RNF111: variants seen among roughly 807,000 people sequenced by gnomAD.
RNF111 encodes the protein E3 ubiquitin-protein ligase Arkadia.
RNF111 carries 17 observed loss-of-function variants against 95.1 expected under a neutral mutation model. That is an observed-to-expected ratio of 0.18 (90% CI 0.12 to 0.27). The LOEUF (loss-of-function observed/expected upper bound fraction) is 0.27. Ranked by LOEUF, RNF111 falls within the 10% of genes least tolerant of loss-of-function variation. The probability of loss-of-function intolerance (pLI) is 1.00; values close to 1 mark genes in which losing one functional copy is unlikely to be tolerated. For missense variants in RNF111, 1,189 were observed against 1,210.4 expected, an observed-to-expected ratio of 0.98 and a Z score of 0.26; for synonymous variants, 440 against 414.8, an observed-to-expected ratio of 1.06 and a Z score of -0.74.
At chr15:59,012,765 G>A (rs1466356258) in intron 1 of RNF111, among the ~76,000 whole-genome samples, 1 of 147,462 alleles carries the variant, frequency 6.8e-6, no homozygotes, top group Admixed American at 6.9e-5. Context: ...TTGAGACAGA[G>A]TCTTGCTTTG....
intron 1 of RNF111, among the ~76,000 whole-genome samples, chr15:58,992,149 A>G (rs996603298): frequency 1.3e-5 from 2 of 152,102 alleles, no homozygotes; most frequent in African/African-American, 4.8e-5. Context: ...GGTTCAAGCA[A>G]TTCTTCTGCG....
At chr15:59,039,253 C>T (rs2041332745) in intron 2 of RNF111, among the ~76,000 whole-genome samples, 1 of 152,042 alleles carries the variant, frequency 6.6e-6, no homozygotes. Context: ...TGTGAGCCAC[C>T]ACTCCCGGCC....
At chr15:59,066,235 G>A (rs1421379956) in intron 5 of RNF111, among the ~76,000 whole-genome samples, 3 of 152,206 alleles carry the variant, frequency 2.0e-5, no homozygotes, top group African/African-American at 7.2e-5. Flanking sequence ...CAGTAAATAT[G>A]AGCCTCCTGA....
At chr15:59,029,081 G>T (rs562639121) in intron 1 of RNF111, among the ~76,000 whole-genome samples, 1 of 152,168 alleles carries the variant, frequency 6.6e-6, no homozygotes, top group Admixed American at 6.5e-5. Context: ...CGCCCAGCTT[G>T]TATTTAATTT....
At chr15:59,053,935 A>G (rs1408195525) in intron 3 of RNF111, among the ~76,000 whole-genome samples, 1 of 151,762 alleles carries the variant, frequency 6.6e-6, no homozygotes. Flanking sequence ...AGTTTATTTT[A>G]CTTAATTATT....
intron 2 of RNF111, among the ~76,000 whole-genome samples, chr15:59,049,992 A>C (rs547642130): frequency 8.6e-5 from 13 of 151,328 alleles, no homozygotes; most frequent in Admixed American, 8.5e-4. Context: ...CTCCTGCCTC[A>C]GACTCCCAAA....
intron 6 of RNF111, among the ~76,000 whole-genome samples, chr15:59,070,644 T>G (rs12907497): frequency 1.3e-5 from 2 of 152,212 alleles, no homozygotes; most frequent in African/African-American, 4.8e-5. Context: ...AACAGACATA[T>G]ACTTGATTGT....
At chr15:59,006,808 A>T (rs1244676305) in intron 1 of RNF111, among the ~76,000 whole-genome samples, 1 of 152,086 alleles carries the variant, frequency 6.6e-6, no homozygotes, top group African/African-American at 2.4e-5. Flanking sequence ...TTTCTTTGAG[A>T]TGGAGTCTTG....
chr15:59,060,956 A>T (rs918344476), intron 5 of RNF111, among the ~76,000 whole-genome samples: 5 of 151,688 alleles, frequency 3.3e-5, no homozygotes. Flanking sequence ...CGTCCGGCTA[A>T]TTTTTGTATT....
rs529639443 is a variant in RNF111, at chr15:59,005,468, A to G, written c.-20+17400A>G. On this transcript the variant is annotated intron_variant, in intron 1 of 13. Transcript: ENST00000348370. ...GTTTCCTTGGGCAGTTTTGCTCCCAACATTAGATCCCGCATTCTCAGGACA... is the reference window on the plus strand; with the variant it reads ...GTTTCCTTGGGCAGTTTTGCTCCCAGCATTAGATCCCGCATTCTCAGGACA... Among the ~76,000 whole-genome samples, 11 of 152,338 alleles carry G rather than the reference A, an allele frequency of 7.2e-5. No homozygotes were observed. In the South Asian group the frequency reaches 1.0e-3, roughly 14 times the overall value.
chr15:59,074,740 C>G (rs2043096066), intron 6 of RNF111, among the ~76,000 whole-genome samples: 1 of 152,156 alleles, frequency 6.6e-6, no homozygotes, highest in African/African-American at 2.4e-5. Context: ...CAGTTTCTTT[C>G]AAGGATTTTT....
At chr15:59,018,087 C>A (rs1335915510) in intron 1 of RNF111, among the ~76,000 whole-genome samples, 1 of 151,998 alleles carries the variant, frequency 6.6e-6, no homozygotes, top group Admixed American at 6.6e-5. Context: ...AGACTACTTT[C>A]CATTAATGCA....
At chr15:59,060,798 A>AT (rs2042400845) in intron 5 of RNF111, among the ~76,000 whole-genome samples, 3 of 147,384 alleles carry the variant, frequency 2.0e-5, no homozygotes, top group African/African-American at 7.7e-5. Flanking sequence ...TATTATTATT[A>AT]TTATTATTAT....
intron 3 of RNF111, among the ~76,000 whole-genome samples, chr15:59,054,777 A>G (rs912586008): frequency 1.3e-5 from 2 of 152,234 alleles, no homozygotes; most frequent in South Asian, 4.1e-4. Flanking sequence ...GTGGTTAAGC[A>G]CCCACCCCCA....
At chr15:59,018,204 A>G (rs539558894) in intron 1 of RNF111, among the ~76,000 whole-genome samples, 2 of 152,332 alleles carry the variant, frequency 1.3e-5, no homozygotes, top group African/African-American at 4.8e-5. Context: ...TGGGTTCAAA[A>G]ACAACATGCC....
chr15:59,063,623 G>T (rs1376068612), intron 5 of RNF111, among the ~76,000 whole-genome samples: 2 of 152,150 alleles, frequency 1.3e-5, no homozygotes, highest in African/African-American at 4.8e-5. Context: ...AGTAACTCTC[G>T]AATGAGAGGC....
chr15:59,071,083 G>A (rs1307520865), intron 6 of RNF111, among the ~76,000 whole-genome samples: 1 of 151,986 alleles, frequency 6.6e-6, no homozygotes, highest in East Asian at 1.9e-4. Flanking sequence ...GGATCATGAA[G>A]TCAGGAGATT....
chr15:59,037,020 A>G (rs1252164450), intron 2 of RNF111, among the ~76,000 whole-genome samples: 1 of 148,046 alleles, frequency 6.8e-6, no homozygotes, highest in Non-Finnish European at 1.5e-5. Flanking sequence ...TTTTTTTGGT[A>G]GAGACAGGGT....
intron 5 of RNF111, 24 bp from the exon 6 acceptor site, chr15:59,066,740 C>T: frequency 1.3e-6 from 2 of 1,578,706 alleles, no homozygotes; most frequent in South Asian, 1.1e-5. Flanking sequence ...TTTGATTATT[C>T]TGTGCATTTT....
Sources: gnomAD v4.1 joint callset for allele counts (sites outside exome capture counted in the v4.1 genomes callset) on GRCh38, gnomAD v4.1.1 for gene constraint, MANE v1.5 for transcripts, NCBI Gene and HGNC (gene_info 2026-07-23, HGNC 2026-07-21) for gene names.